The following CCL5 variants were observed in gnomAD, a reference collection of about 807,000 sequenced individuals.
The protein encoded by CCL5 is C-C motif chemokine 5.
A neutral mutation model predicts 9.0 loss-of-function variants in CCL5; 5 were observed. The ratio of observed to expected loss-of-function variants is 0.55; its 90% CI spans 0.29 to 1.16. The LOEUF (loss-of-function observed/expected upper bound fraction) is 1.16. CCL5 is among the 50% of genes most tolerant of loss of function. The pLI is 0.08. For synonymous variants in CCL5, 66 were observed against 72.0 expected (o/e 0.92, Z 0.42); for missense variants, 183 against 183.2 (o/e 1.00, Z 0.01).
At position 35,880,263 on chromosome 17, in the gene CCL5, T is replaced by C; in HGVS notation, c.43A>G (p.Thr15Ala). 6.2e-7 allele frequency: 1 copy of C among 1,613,850 alleles called. No individual in the cohort carries two copies. The highest frequency in any genetic ancestry group is 8.5e-7 in the Non-Finnish European group (1 of 1,179,924). ...GCAGATGCAGGAGCGCAGAGGGCAG[T>C]AGCAATGAGGATGACAGCGAGGGCT... Residue 15 changes from threonine to alanine, a missense_variant, in exon 1 of 4, where the codon ACT (threonine) becomes GCT (alanine). Physicochemically the swap from Thr to Ala is moderately conservative, Grantham distance 58. Coordinates refer to ENST00000651122, the MANE Select transcript of CCL5 (RefSeq NM_001278736.2).
intron 3 of CCL5, among the ~76,000 whole-genome samples, chr17:35,873,202 T>TC: frequency 7.3e-6 from 1 of 136,862 alleles, no homozygotes; most frequent in Non-Finnish European, 1.6e-5. Flanking sequence ...TTTTTTTTTT[T>TC]CCTTTGAGAC....
chr17:35,877,678 A>G (rs2088458222), intron 2 of CCL5, among the ~76,000 whole-genome samples: 1 of 152,250 alleles, frequency 6.6e-6, no homozygotes, highest in Non-Finnish European at 1.5e-5. Flanking sequence ...GACACATAGT[A>G]GGCATTTCCT....
In CCL5 at chr17:35,878,635, G is replaced by A. The variant is rs1399662406; in HGVS notation, c.81C>T (p.Ser27=). 5.0e-6 allele frequency: 8 copies of A among 1,608,158 alleles called. No individual in the cohort carries two copies. The highest frequency in any genetic ancestry group is 2.7e-5 in the African/African-American group (2 of 74,746). The change falls in exon 2 of 4, where the codon TCC becomes TCT. Residue 27 remains serine, a synonymous_variant. Transcript: ENST00000651122. ...CAAAGCAGCAGGGTGTGGTGTCCGA[G>A]GAATCTGGAAGAGGAAAGGAAGGAG...
chr17:35,880,106 G>A, intron 1 of CCL5, 124 bp downstream of exon 1: 1 of 746,884 alleles, frequency 1.3e-6, no homozygotes, highest in Admixed American at 2.0e-5. Flanking sequence ...TAAATAATGG[G>A]GTTCAGACAG....
Position 35,872,366 on chromosome 17 carries a change from G to A in CCL5, c.369C>T (p.Val123=), listed in dbSNP as rs1326291295. The stretch of plus-strand genomic sequence containing the variant: ...AAATTTGTGTAAGTTCAGGTTCAAG[G>A]ACTCTCCATCCTAGCTCATCTCCAA... Residue 123 remains valine, a synonymous_variant, in exon 4 of 4, where the codon GTC becomes GTT. Coordinates refer to ENST00000651122, the MANE Select transcript of CCL5 (RefSeq NM_001278736.2). The A allele has an allele frequency of 6.2e-7, 1 of 1,613,370 alleles. No homozygotes were observed. Among genetic ancestry groups the A allele is most frequent in the Admixed American group, 1.7e-5 (1 of 59,958 alleles).
chr17:35,877,429 T>C (rs533625710), intron 2 of CCL5, among the ~76,000 whole-genome samples: 1 of 152,304 alleles, frequency 6.6e-6, no homozygotes, highest in African/African-American at 2.4e-5. Flanking sequence ...AACTTCAGAA[T>C]TGCACCATTT....
intron 3 of CCL5, among the ~76,000 whole-genome samples, chr17:35,874,697 G>A (rs914467922): frequency 9.9e-5 from 15 of 151,824 alleles, no homozygotes; most frequent in African/African-American, 3.6e-4. Flanking sequence ...TGCAACCTTC[G>A]CCTCCCGGGT....
At chr17:35,880,112 G>A (rs2088496411) in intron 1 of CCL5, 118 bp downstream of exon 1, 1 of 773,872 alleles carries the variant, frequency 1.3e-6, no homozygotes, top group Non-Finnish European at 2.3e-6. Context: ...ATGGGGTTCA[G>A]ACAGTATTCA....
At chr17:35,879,549 G>A (rs963851349) in intron 1 of CCL5, among the ~76,000 whole-genome samples, 1 of 151,054 alleles carries the variant, frequency 6.6e-6, no homozygotes, top group Non-Finnish European at 1.5e-5. Context: ...GCAGGAGAAT[G>A]GCATGAACCC....
Position 35,878,116 on chromosome 17 carries a change from C to T in CCL5, c.188+412G>A, listed in dbSNP as rs71381484. Among the ~76,000 whole-genome samples, 416 of 151,858 alleles carry T rather than the reference C, an allele frequency of 2.7e-3. 5 individuals are homozygous for T. Among genetic ancestry groups the T allele is most frequent in the African/African-American group, 9.7e-3 (403 of 41,404 alleles). ...TGGCTAACACGGTGAAACCCCGTCTCTACTAAAAATACAAAAAATTAGCCA... is the reference window on the plus strand; with the variant it reads ...TGGCTAACACGGTGAAACCCCGTCTTTACTAAAAATACAAAAAATTAGCCA... On this transcript the variant is annotated intron_variant, in intron 2 of 3. Transcript: ENST00000651122.
chr17:35,876,302 A>C (rs2088440341), intron 2 of CCL5, among the ~76,000 whole-genome samples: 1 of 152,168 alleles, frequency 6.6e-6, no homozygotes, highest in South Asian at 2.1e-4. Flanking sequence ...AAAGAATGTC[A>C]TATTTTCAGC....
chr17:35,879,101 G>A (rs2088480223), intron 1 of CCL5, among the ~76,000 whole-genome samples: 1 of 152,166 alleles, frequency 6.6e-6, no homozygotes, highest in African/African-American at 2.4e-5. Context: ...AGTGAGAAGG[G>A]CTCTCAACAG....
chr17:35,875,722 G>T (rs1305766111), intron 2 of CCL5: 2 of 458,296 alleles, frequency 4.4e-6, no homozygotes, highest in Non-Finnish European at 2.9e-6. Context: ...CAACCTCCCC[G>T]CAGACTGTGA....
At chr17:35,878,935 C>T (rs1428852474) in intron 1 of CCL5, among the ~76,000 whole-genome samples, 2 of 152,260 alleles carry the variant, frequency 1.3e-5, no homozygotes, top group African/African-American at 4.8e-5. Flanking sequence ...TTCATTCTTG[C>T]CCTTCCAGCA....
In CCL5 at chr17:35,871,627, C is replaced by G. The variant is rs907560702; in HGVS notation, c.*643G>C. 6.6e-6 allele frequency: 1 copy of G among 152,278 alleles called. No homozygotes were observed. The highest frequency in any genetic ancestry group is 2.4e-5 in the African/African-American group (1 of 41,460). 9.4% of individuals were successfully genotyped at this position (152,278 alleles called of 1,614,324 possible). A position where few individuals can be genotyped will look rare whatever the true frequency, so the allele number is the denominator to read the frequency against. Reference sequence around the variant, plus strand: ...CTTGCCTCTAGAGGCATGCTGACTTCCTTCCTGGTCACAGAGCCCTGGCAA... The same window carrying G: ...CTTGCCTCTAGAGGCATGCTGACTTGCTTCCTGGTCACAGAGCCCTGGCAA... On this transcript the variant is annotated 3_prime_UTR_variant, in exon 4 of 4. Coordinates refer to ENST00000651122, the MANE Select transcript of CCL5 (RefSeq NM_001278736.2).
In CCL5 at chr17:35,880,312, T is replaced by C; in HGVS notation, c.-7A>G. The C allele has an allele frequency of 1.9e-6, 3 of 1,609,792 alleles. No individual in the cohort carries two copies. Among genetic ancestry groups the C allele is most frequent in the Non-Finnish European group, 2.5e-6 (3 of 1,177,856 alleles). ...CTGCCGCGGAGACCTTCATGGTACC[T>C]GTGGGAGAGGCTGTGCGAGGTCCAC... is the stretch of plus-strand genomic sequence containing the variant. On this transcript the variant is annotated 5_prime_UTR_variant, in exon 1 of 4. Transcript: ENST00000651122.
chr17:35,876,828 C>T (rs2088447015), intron 2 of CCL5, among the ~76,000 whole-genome samples: 1 of 152,194 alleles, frequency 6.6e-6, no homozygotes, highest in African/African-American at 2.4e-5. Context: ...TATCCCATTC[C>T]CTAGGCTTTT....
intron 1 of CCL5, 63 bp from the exon 2 acceptor site, chr17:35,878,702 G>T: frequency 2.2e-6 from 2 of 913,048 alleles, no homozygotes; most frequent in Non-Finnish European, 3.5e-6. Context: ...TTGACATTGT[G>T]CTGGACACTT....
intron 2 of CCL5, among the ~76,000 whole-genome samples, chr17:35,877,162 A>G (rs377466210): frequency 3.5e-4 from 53 of 152,276 alleles, no homozygotes; most frequent in Middle Eastern, 3.4e-3. Flanking sequence ...TCAGATCCAA[A>G]GTCTGTCTTT....
Sources: gnomAD v4.1 joint callset for allele counts (sites outside exome capture counted in the v4.1 genomes callset) on GRCh38, gnomAD v4.1.1 for gene constraint, MANE v1.5 for transcripts, NCBI Gene and HGNC (gene_info 2026-07-23, HGNC 2026-07-21) for gene names.